Variants in MIS18A observed in about 807,000 individuals in gnomAD.
MIS18A encodes protein Mis18-alpha.
MIS18A carries 14 observed loss-of-function variants against 25.0 expected under a neutral mutation model. That is an observed-to-expected ratio of 0.56 (90% confidence interval 0.37 to 0.88). MIS18A has a LOEUF of 0.88. MIS18A is among the 40% of genes least tolerant of loss of function. MIS18A has a pLI of 0.00. For missense variants in MIS18A, 292 were observed against 290.8 expected (o/e 1.00, Z -0.03); for synonymous variants, 134 against 118.6 (o/e 1.13, Z -0.84).
At chr21:32,219,397 C>T in the MIS18A span, among the ~76,000 whole-genome samples, 3 of 152,114 alleles carry the variant, frequency 2.0e-5, no homozygotes, top group East Asian at 5.8e-4. Flanking sequence ...CTCCCCTAGC[C>T]AAGAGAAGCC....
the MIS18A span, among the ~76,000 whole-genome samples, chr21:32,201,519 C>G: frequency 6.6e-6 from 1 of 152,128 alleles, no homozygotes; most frequent in Non-Finnish European, 1.5e-5. Flanking sequence ...TGACATCTAC[C>G]CATCAAAAAG....
chr21:32,266,967 A>AACACACACAC (rs199958126), downstream of MIS18A, among the ~76,000 whole-genome samples: 131 of 149,516 alleles, frequency 8.8e-4, no homozygotes, highest in African/African-American at 2.8e-3. Context: ...GGACAAGTTA[A>AACACACACAC]ACACACACAC....
the MIS18A span, among the ~76,000 whole-genome samples, chr21:32,228,944 T>C: frequency 2.6e-5 from 4 of 152,226 alleles, no homozygotes; most frequent in South Asian, 2.1e-4. Context: ...AAATCACCTA[T>C]ATATGCTTCT....
At chr21:32,242,852 C>T in the MIS18A span, among the ~76,000 whole-genome samples, 1 of 152,164 alleles carries the variant, frequency 6.6e-6, no homozygotes, top group African/African-American at 2.4e-5. Context: ...ACACTTCTTT[C>T]AGCAAAAGTG....
the MIS18A span, among the ~76,000 whole-genome samples, chr21:32,183,779 T>C: frequency 1.6e-4 from 24 of 152,348 alleles, no homozygotes; most frequent in African/African-American, 5.5e-4. Context: ...TGCCTCTGAA[T>C]GGCTCTTTGC....
chr21:32,240,930 C>G, the MIS18A span, among the ~76,000 whole-genome samples: 1 of 152,166 alleles, frequency 6.6e-6, no homozygotes, highest in Non-Finnish European at 1.5e-5. Context: ...TACAGGAAGT[C>G]TCATTCATGG....
chr21:32,192,063 A>T, the MIS18A span, among the ~76,000 whole-genome samples: 1 of 152,178 alleles, frequency 6.6e-6, no homozygotes, highest in Non-Finnish European at 1.5e-5. Context: ...GAAGGAAGGG[A>T]AGATATCTCA....
At chr21:32,195,772 C>T in the MIS18A span, among the ~76,000 whole-genome samples, 1 of 152,136 alleles carries the variant, frequency 6.6e-6, no homozygotes, top group African/African-American at 2.4e-5. Context: ...GTAATCCCAG[C>T]CCTTTGGGAG....
the MIS18A span, among the ~76,000 whole-genome samples, chr21:32,222,226 G>T: frequency 2.0e-5 from 3 of 152,066 alleles, no homozygotes; most frequent in Non-Finnish European, 2.9e-5. Flanking sequence ...AGGGATCAAT[G>T]CAACAAGAAA....
the MIS18A span, among the ~76,000 whole-genome samples, chr21:32,209,327 T>A: frequency 6.6e-6 from 1 of 152,174 alleles, no homozygotes; most frequent in African/African-American, 2.4e-5. Context: ...GAGATCTTTT[T>A]TCCTCAAGTA....
At chr21:32,248,100 C>T in the MIS18A span, among the ~76,000 whole-genome samples, 1 of 152,198 alleles carries the variant, frequency 6.6e-6, no homozygotes, top group African/African-American at 2.4e-5. Flanking sequence ...CTTCTCTGTC[C>T]TCCCTGTGGC....
the MIS18A span, among the ~76,000 whole-genome samples, chr21:32,226,583 C>T: frequency 6.6e-6 from 1 of 151,944 alleles, no homozygotes; most frequent in Non-Finnish European, 1.5e-5. Context: ...AACAGGGCCT[C>T]AAAATATATA....
the MIS18A span, among the ~76,000 whole-genome samples, chr21:32,172,100 A>T: frequency 6.6e-6 from 1 of 152,090 alleles, no homozygotes; most frequent in Non-Finnish European, 1.5e-5. Flanking sequence ...ATATCACCTC[A>T]CACCTTTTAG....
chr21:32,203,613 C>CTTTTTTTTTT, the MIS18A span, among the ~76,000 whole-genome samples: 2 of 85,378 alleles, frequency 2.3e-5, no homozygotes, highest in Non-Finnish European at 4.3e-5. Context: ...TTTTTAAATG[C>CTTTTTTTTTT]TTTTTTTTTT....
chr21:32,246,235 C>A, the MIS18A span, among the ~76,000 whole-genome samples: 2 of 152,184 alleles, frequency 1.3e-5, no homozygotes, highest in African/African-American at 4.8e-5. Context: ...TGGGCAGAGA[C>A]ATGTGTACAA....
chr21:32,255,752 G>A, the MIS18A span, among the ~76,000 whole-genome samples: 2 of 151,734 alleles, frequency 1.3e-5, no homozygotes, highest in African/African-American at 2.4e-5. Context: ...TTAGCCAGGC[G>A]TGGCGGTGTG....
the MIS18A span, among the ~76,000 whole-genome samples, chr21:32,207,060 G>A: frequency 6.6e-6 from 1 of 152,216 alleles, no homozygotes; most frequent in Non-Finnish European, 1.5e-5. Flanking sequence ...TCTGATTGAT[G>A]AAGTCTAAAT....
At chr21:32,274,034 G>A (rs1420378186) in intron 2 of MIS18A, among the ~76,000 whole-genome samples, 1 of 152,002 alleles carries the variant, frequency 6.6e-6, no homozygotes, top group Admixed American at 6.6e-5. Context: ...GAGCTCCTGT[G>A]TTGTTTGCTC....
chr21:32,175,014 G>C, the MIS18A span, among the ~76,000 whole-genome samples: 3 of 152,164 alleles, frequency 2.0e-5, no homozygotes, highest in African/African-American at 7.2e-5. Context: ...AGTTGGACAA[G>C]TTTGTTATTG....
Sources: gnomAD v4.1 joint callset for allele counts (sites outside exome capture counted in the v4.1 genomes callset) on GRCh38, gnomAD v4.1.1 for gene constraint, MANE v1.5 for transcripts, NCBI Gene and HGNC (gene_info 2026-07-23, HGNC 2026-07-21) for gene names.